KIF6: variants seen among roughly 807,000 people sequenced by gnomAD.
KIF6 encodes kinesin-like protein KIF6.
KIF6 carries 106 observed loss-of-function variants against 112.7 expected under a neutral mutation model. The observed-to-expected ratio is 0.94, with a 90% CI of 0.80 to 1.11. The LOEUF is 1.11. KIF6 is among the 50% of genes least tolerant of loss of function. The pLI is 0.00. For synonymous variants in KIF6, 339 were observed against 339.9 expected, an observed-to-expected ratio of 1.00 and a Z score of 0.03; for missense variants, 929 against 964.0, an observed-to-expected ratio of 0.96 and a Z score of 0.48.
intron 3 of KIF6, among the ~76,000 whole-genome samples, chr6:39,687,813 C>T (rs1008814088): frequency 9.2e-5 from 14 of 152,150 alleles, no homozygotes; most frequent in Non-Finnish European, 1.5e-4. Context: ...AGCTGTGCTG[C>T]ACTTTTCTTT....
rs925421173 is a variant in KIF6, at chr6:39,378,899, ATTATC to A, written c.1861+6718_1861+6722del. On this transcript the variant is annotated intron_variant, in intron 16 of 22. Coordinates refer to ENST00000287152, the MANE Select transcript of KIF6 (RefSeq NM_145027.6). The surrounding 1 kb of genome is among the most constrained non-coding windows in gnomAD (Gnocchi z 5.0). ...TCAGAAAGCTGAGTACCCGGATCCT[ATTATC>A]TTGGCCGCTCACATAAACGCTTTCA... 1.1e-4 allele frequency among the ~76,000 whole-genome samples: 16 copies of A among 152,246 alleles called. No individual in the cohort carries two copies. The highest frequency in any genetic ancestry group is 3.9e-4 in the African/African-American group (16 of 41,546).
chr6:39,440,017 C>A (rs1010361279), intron 13 of KIF6, among the ~76,000 whole-genome samples: 1 of 152,162 alleles, frequency 6.6e-6, no homozygotes, highest in African/African-American at 2.4e-5. Flanking sequence ...ATTTCCTAGT[C>A]GGAGCCAAAA....
intron 16 of KIF6, among the ~76,000 whole-genome samples, chr6:39,363,435 G>A (rs778472331): frequency 1.4e-4 from 22 of 152,072 alleles, no homozygotes; most frequent in Non-Finnish European, 2.8e-4. Flanking sequence ...CAGCTGCTGC[G>A]TGTGTCTGCG....
chr6:39,596,116 C>T lies in KIF6; in HGVS notation c.784G>A (p.Val262Ile). The part of the protein sequence containing the change: ...AGSERVAKTG[V>I]GGHLLTEAKY... ...GCCTCTGTTAGAAGATGGCCCCCTA[C>T]TCCAGTCTTTGCAACTCGCTCTGAA... The change falls in exon 7 of 23, where the codon GTA becomes ATA. Residue 262 changes from valine to isoleucine, a missense_variant. Transcript: ENST00000287152. The T allele has an allele frequency of 1.2e-6, 2 of 1,614,054 alleles. No homozygotes were observed. The highest frequency in any genetic ancestry group is 2.2e-5 in the South Asian group (2 of 91,082).
At chr6:39,483,959 C>A (rs1326148397) in intron 13 of KIF6, among the ~76,000 whole-genome samples, 1 of 152,202 alleles carries the variant, frequency 6.6e-6, no homozygotes, top group Non-Finnish European at 1.5e-5. Flanking sequence ...ATATTCCATG[C>A]TCTTCAATTC....
chr6:39,425,470 T>C (rs1179207638), intron 14 of KIF6, among the ~76,000 whole-genome samples: 1 of 152,052 alleles, frequency 6.6e-6, no homozygotes, highest in East Asian at 1.9e-4. Context: ...CTAGTATTCC[T>C]TTCCCGTTTC....
intron 13 of KIF6, among the ~76,000 whole-genome samples, chr6:39,433,345 C>T (rs1044758118): frequency 5.9e-5 from 9 of 152,234 alleles, no homozygotes; most frequent in African/African-American, 1.9e-4. Context: ...AGTTTGGGAT[C>T]GTTGTGTACG....
chr6:39,690,133 A>G (rs1450473630), intron 3 of KIF6: 1 of 152,242 alleles, frequency 6.6e-6, no homozygotes, highest in African/African-American at 2.4e-5. Context: ...GATAAACTAT[A>G]TAATGTAACA....
intron 13 of KIF6, among the ~76,000 whole-genome samples, chr6:39,513,522 C>T (rs539206743): frequency 5.6e-4 from 85 of 152,270 alleles, no homozygotes; most frequent in African/African-American, 1.9e-3. Context: ...TTAGTCAAAA[C>T]CTCTGGATCT....
intron 19 of KIF6, among the ~76,000 whole-genome samples, chr6:39,346,982 T>A (rs184591231): frequency 6.6e-6 from 1 of 152,348 alleles, no homozygotes. Context: ...AGCATGCATC[T>A]GTTGGCTGTA....
chr6:39,494,818 C>CA (rs200191454), intron 13 of KIF6, among the ~76,000 whole-genome samples: 17 of 145,672 alleles, frequency 1.2e-4, no homozygotes, highest in East Asian at 6.0e-4. Flanking sequence ...TTTTTACAGA[C>CA]AAAAAAAAAG....
chr6:39,465,162 A>G (rs1470891231), intron 13 of KIF6, among the ~76,000 whole-genome samples: 1 of 152,160 alleles, frequency 6.6e-6, no homozygotes, highest in Non-Finnish European at 1.5e-5. Flanking sequence ...ATCATACCCC[A>G]TGTCTGCACA....
intron 3 of KIF6, among the ~76,000 whole-genome samples, chr6:39,648,223 CGG>C (rs34604470): frequency 1.6e-5 from 1 of 61,718 alleles, no homozygotes. Context: ...GGGGGGCGGG[CGG>C]GGGGGGGTGC....
intron 11 of KIF6, among the ~76,000 whole-genome samples, chr6:39,545,125 A>T (rs1243612036): frequency 1.3e-5 from 2 of 152,214 alleles, no homozygotes; most frequent in African/African-American, 4.8e-5. Flanking sequence ...GTAACTCACA[A>T]CAAATGTTTA....
chr6:39,685,838 C>T (rs373370581), intron 3 of KIF6, among the ~76,000 whole-genome samples: 18 of 152,192 alleles, frequency 1.2e-4, no homozygotes, highest in Non-Finnish European at 2.1e-4. Flanking sequence ...AAATTTCCAA[C>T]GCTCTAGAAA....
intron 19 of KIF6, 129 bp from the exon 20 acceptor site, chr6:39,346,655 C>G: frequency 1.9e-6 from 1 of 531,266 alleles, no homozygotes; most frequent in Non-Finnish European, 3.3e-6. Context: ...TTCTTTTTTT[C>G]TTTTTTTTTG....
chr6:39,514,052 T>G (rs1776929333), intron 13 of KIF6, among the ~76,000 whole-genome samples: 1 of 152,248 alleles, frequency 6.6e-6, no homozygotes, highest in South Asian at 2.1e-4. Context: ...TGTTAGCTTT[T>G]TACAATTTGT....
intron 7 of KIF6, among the ~76,000 whole-genome samples, chr6:39,592,020 G>C (rs1209425864): frequency 6.6e-6 from 1 of 152,184 alleles, no homozygotes; most frequent in Non-Finnish European, 1.5e-5. Flanking sequence ...GCTGAGGCAG[G>C]AGAATGGCAA....
intron 7 of KIF6, among the ~76,000 whole-genome samples, chr6:39,595,641 T>G (rs138877044): frequency 6.6e-6 from 1 of 152,338 alleles, no homozygotes; most frequent in African/African-American, 2.4e-5. Flanking sequence ...GAAGAAATTC[T>G]GATACATGCT....
Sources: gnomAD v4.1 joint callset for allele counts (sites outside exome capture counted in the v4.1 genomes callset) on GRCh38, gnomAD v4.1.1 for gene constraint, Gnocchi (gnomAD v3.1) non-coding constraint, MANE v1.5 for transcripts, NCBI Gene and HGNC (gene_info 2026-07-23, HGNC 2026-07-21) for gene names.